Variants in RSPRY1 observed in about 807,000 individuals in gnomAD.
RSPRY1 encodes RING finger and SPRY domain-containing protein 1.
A neutral mutation model predicts 73.1 loss-of-function variants in RSPRY1; 23 were observed. That is an observed-to-expected ratio of 0.31 (90% CI 0.23 to 0.45). The LOEUF is 0.45. Ranked by LOEUF, RSPRY1 falls within the 20% of genes least tolerant of loss-of-function variation. The pLI is 1.00. For synonymous variants in RSPRY1, 226 were observed against 251.4 expected (o/e 0.90, Z 0.95); for missense variants, 448 against 698.7 (o/e 0.64, Z 4.05).
rs976776946 is a variant in RSPRY1 at position 57,194,118 on chromosome 16, C to G, written c.-156+7667C>G. Among the ~76,000 whole-genome samples the G allele has an allele frequency of 1.2e-4, 18 of 151,694 alleles. 1 individual carries two copies. The highest frequency in any genetic ancestry group is 2.1e-4 in the Non-Finnish European group (14 of 67,962). On this transcript the variant is annotated intron_variant, in intron 1 of 14. Transcript: ENST00000394420. ...TGTATGTAAATTCGACTCCTAAAAA[C>G]TTGAAGTTTATTGAAGTCTAATTAG... is the stretch of plus-strand genomic sequence containing the variant.
chr16:57,209,766 C>T (rs2074799378), intron 4 of RSPRY1, among the ~76,000 whole-genome samples: 1 of 152,184 alleles, frequency 6.6e-6, no homozygotes, highest in South Asian at 2.1e-4. Flanking sequence ...TGCAACCTCC[C>T]TAGGCTCAGG....
intron 11 of RSPRY1, among the ~76,000 whole-genome samples, chr16:57,229,764 G>A (rs2146362888): frequency 8.1e-6 from 1 of 123,596 alleles, no homozygotes; most frequent in African/African-American, 3.1e-5. Flanking sequence ...GGAGTGCAGT[G>A]GCGCGATCTC....
chr16:57,235,299 G>T lies in RSPRY1; in HGVS notation c.1634+71G>T, dbSNP rs1346385162. The T allele has an allele frequency of 4.5e-6, 5 of 1,113,800 alleles. No individual in the cohort carries two copies. The African/African-American group carries it at 6.1e-5, about 14-fold the overall frequency. 69.0% of individuals were successfully genotyped at this position (1,113,800 alleles called of 1,614,324 possible). On this transcript the variant is annotated intron_variant, in intron 14 of 14. Transcript: ENST00000394420. ...GCTAGTTCCATGGCTGTTCGTCAGG[G>T]TTTATTGTATCTAAAGCAGGCTGAA...
chr16:57,226,863 A>G (rs1347166855), intron 10 of RSPRY1, among the ~76,000 whole-genome samples: 1 of 152,162 alleles, frequency 6.6e-6, no homozygotes, highest in African/African-American at 2.4e-5. Context: ...CCCTGCCCCT[A>G]TTCAAGATGG....
chr16:57,216,756 G>T, intron 7 of RSPRY1, 148 bp from the exon 8 acceptor site: 1 of 735,906 alleles, frequency 1.4e-6, no homozygotes, highest in Non-Finnish European at 2.2e-6. Context: ...AAGCTCTTTG[G>T]CTATGTTTTC....
At chr16:57,238,251 T>G (rs1187892768) in intron 14 of RSPRY1, among the ~76,000 whole-genome samples, 1 of 152,232 alleles carries the variant, frequency 6.6e-6, no homozygotes, top group Non-Finnish European at 1.5e-5. Flanking sequence ...GACAGTTTTC[T>G]CTAAACTCTA....
rs551046755 is a variant in RSPRY1 at position 57,204,767 on chromosome 16, G to A, written c.109G>A (p.Ala37Thr). ...IAHFLGTGGAATTMGNSCICR... is the reference protein window; with the variant it reads ...IAHFLGTGGATTTMGNSCICR... ...CCACTTCCTAGGGACTGGAGGTGCCGCTACTACCATGGGTAATTCCTGTAT... is the reference window on the plus strand; with the variant it reads ...CCACTTCCTAGGGACTGGAGGTGCCACTACTACCATGGGTAATTCCTGTAT... Residue 37 changes from alanine (A) to threonine (T), a missense_variant, in exon 2 of 15, where the codon GCT becomes ACT. Ala to Thr is a moderately conservative substitution (Grantham distance 58, BLOSUM62 0). Transcript: ENST00000394420. 40 of 1,614,042 alleles carry A rather than the reference G, an allele frequency of 2.5e-5. No individual in the cohort carries two copies. Among genetic ancestry groups the A allele is most frequent in the Non-Finnish European group, 3.1e-5 (37 of 1,180,040 alleles).
intron 2 of RSPRY1, 80 bp from the exon 3 acceptor site, chr16:57,207,978 C>G: frequency 1.2e-6 from 1 of 858,990 alleles, no homozygotes. Context: ...TTTTTACCTC[C>G]ACACCTCCAG....
At chr16:57,199,717 T>C (rs887996718) in intron 1 of RSPRY1, among the ~76,000 whole-genome samples, 11 of 152,034 alleles carry the variant, frequency 7.2e-5, no homozygotes, top group Non-Finnish European at 1.2e-4. Flanking sequence ...CAATTTCAAG[T>C]AAATATTCCA....
At chr16:57,204,194 TC>T (rs1277238807) in intron 1 of RSPRY1, among the ~76,000 whole-genome samples, 1 of 152,118 alleles carries the variant, frequency 6.6e-6, no homozygotes, top group African/African-American at 2.4e-5. Context: ...AATGCACACA[TC>T]CTTCTAATGT....
chr16:57,212,139 C>T (rs900166937), intron 4 of RSPRY1, among the ~76,000 whole-genome samples: 7 of 152,036 alleles, frequency 4.6e-5, no homozygotes, highest in Non-Finnish European at 1.0e-4. Flanking sequence ...TAATGAGATT[C>T]CCATCTCTAC....
chr16:57,219,901 T>C (rs557183307), intron 8 of RSPRY1: 5 of 152,372 alleles, frequency 3.3e-5, no homozygotes, highest in Admixed American at 2.6e-4. Flanking sequence ...CAGCACCATT[T>C]ATTGAAGACA....
At chr16:57,230,606 A>G (rs2075200550) in intron 11 of RSPRY1, 105 bp from the exon 12 acceptor site, 1 of 604,028 alleles carries the variant, frequency 1.7e-6, no homozygotes, top group Non-Finnish European at 2.9e-6. Context: ...ATGCATAGCT[A>G]AAGATGCAGA....
chr16:57,199,838 CT>C (rs3055196), intron 1 of RSPRY1, among the ~76,000 whole-genome samples: 112,162 of 132,474 alleles, frequency 0.85, 47,395 homozygotes, highest in Admixed American at 0.87. Context: ...AGTGAAATTT[CT>C]TTTTTTTTTT....
At chr16:57,186,155 C>G, upstream of RSPRY1, 2 of 985,648 alleles carry the variant, frequency 2.0e-6, no homozygotes, top group Non-Finnish European at 1.2e-6. Flanking sequence ...TTGGGCCATT[C>G]ACGCCTCAGG....
At chr16:57,215,196 A>C (rs543175522) in intron 6 of RSPRY1, among the ~76,000 whole-genome samples, 170 of 152,300 alleles carry the variant, frequency 1.1e-3, no homozygotes, top group African/African-American at 4.0e-3. Context: ...AGCTAAGGGA[A>C]CATCACAGGC....
intron 7 of RSPRY1, chr16:57,216,418 G>T: frequency 2.2e-6 from 1 of 457,076 alleles, no homozygotes; most frequent in Non-Finnish European, 3.9e-6. Context: ...ATTTAGTGAT[G>T]TGATTGCTAG....
At chr16:57,214,425 T>A (rs1327036775) in intron 6 of RSPRY1, among the ~76,000 whole-genome samples, 1 of 152,242 alleles carries the variant, frequency 6.6e-6, no homozygotes, top group Non-Finnish European at 1.5e-5. Flanking sequence ...TTGCTGAGGC[T>A]GTGCCCTCAG....
intron 13 of RSPRY1, among the ~76,000 whole-genome samples, chr16:57,233,762 C>G (rs1798646262): frequency 6.6e-6 from 1 of 152,284 alleles, no homozygotes; most frequent in South Asian, 2.1e-4. Context: ...TTTCCACATT[C>G]AATCCCTCAG....
Sources: allele counts gnomAD v4.1 joint callset (sites outside exome capture counted in the v4.1 genomes callset), GRCh38; gene constraint gnomAD v4.1.1; transcripts MANE v1.5; gene names NCBI Gene and HGNC (gene_info 2026-07-23, HGNC 2026-07-21).